ZBED5: variants seen among roughly 807,000 people sequenced by gnomAD.
ZBED5 encodes the protein zinc finger BED-type containing 5.
Under a neutral mutation model 49.2 loss-of-function variants are expected in ZBED5, and 29 were observed. That is an observed-to-expected ratio of 0.59 (90% CI 0.44 to 0.80). The LOEUF (loss-of-function observed/expected upper bound fraction) is 0.80. Among genes scored for constraint, ZBED5 ranks in the 30% least tolerant of loss-of-function variants. ZBED5 has a pLI of 0.00. For synonymous variants in ZBED5, 281 were observed against 292.5 expected, an observed-to-expected ratio of 0.96 and a Z score of 0.40; for missense variants, 775 against 812.9, an observed-to-expected ratio of 0.95 and a Z score of 0.57.
rs1199090717 is a variant in ZBED5 at position 10,853,851 on chromosome 11, G to A, written c.1095C>T (p.Pro365=). ...EAVTLIKYVA[P]ESTSSHCLLY... is the part of the protein sequence containing the mutation. Reference sequence around the variant, plus strand: ...ATAGGCAGTGACTACTGGTGCTTTCGGGAGCCACATATTTTATTAAGGTGA... The same window carrying A: ...ATAGGCAGTGACTACTGGTGCTTTCAGGAGCCACATATTTTATTAAGGTGA... Residue 365 remains proline, a synonymous_variant, in exon 3 of 3, where the codon CCC becomes CCT. Coordinates refer to ENST00000413761, the MANE Select transcript of ZBED5 (RefSeq NM_001143667.2). The surrounding 1 kb of genome is among the most constrained non-coding windows in gnomAD (Gnocchi z 5.4). 12 of 1,551,406 alleles carry A rather than the reference G, an allele frequency of 7.7e-6. No individual in the cohort carries two copies. Among genetic ancestry groups the A allele is most frequent in the African/African-American group, 1.4e-5 (1 of 72,988 alleles).
chr11:10,854,576 T>G lies in ZBED5; in HGVS notation c.370A>C (p.Asn124His). The G allele has an allele frequency of 6.4e-7, 1 of 1,551,390 alleles. No individual in the cohort carries two copies. The highest frequency in any genetic ancestry group is 1.7e-4 in the Middle Eastern group (1 of 5,992). Reference sequence around the variant, plus strand: ...CACTGAGCATGAGGTGCATCTCTATTTCCGAAGTAAGTAAATCCAAAAGAC... The same window carrying G: ...CACTGAGCATGAGGTGCATCTCTATGTCCGAAGTAAGTAAATCCAAAAGAC... Reference protein sequence around the residue: ...YLSFGFTYFGNRDAPHAQCVL... With the variant: ...YLSFGFTYFGHRDAPHAQCVL... Residue 124 changes from asparagine (N) to histidine (H), a missense_variant, in exon 3 of 3, where the codon AAT becomes CAT. Transcript: ENST00000413761. The surrounding 1 kb of genome is among the most constrained non-coding windows in gnomAD (Gnocchi z 5.0).
Position 10,854,439 on chromosome 11 carries a change from C to T in ZBED5, c.507G>A (p.Lys169=). 1 of 1,551,252 alleles carries T rather than the reference C, an allele frequency of 6.4e-7. No homozygotes were observed. Among genetic ancestry groups the T allele is most frequent in the Non-Finnish European group, 8.7e-7 (1 of 1,146,856 alleles). ...AYKDKDISFF[K]QHLDSPENNK... The stretch of plus-strand genomic sequence containing the variant: ...TATTTTCAGGTGAATCGAGATGTTG[C>T]TTGAAAAAGCTTATGTCTTTGTCTT... Residue 169 remains lysine (K), a synonymous_variant, in exon 3 of 3, where the codon AAG becomes AAA. Transcript: ENST00000413761. The surrounding 1 kb of genome is among the most constrained non-coding windows in gnomAD (Gnocchi z 5.0).
In ZBED5 at chr11:10,854,106, T is replaced by C. The variant is rs1315378684; in HGVS notation, c.840A>G (p.Ser280=). The C allele has an allele frequency of 6.4e-7, 1 of 1,550,608 alleles. No individual in the cohort carries two copies. The highest frequency in any genetic ancestry group is 8.7e-7 in the Non-Finnish European group (1 of 1,146,204). The change falls in exon 3 of 3, where the codon TCA becomes TCG. Residue 280 remains serine (S), a synonymous_variant. Coordinates refer to ENST00000413761, the MANE Select transcript of ZBED5 (RefSeq NM_001143667.2). The surrounding 1 kb of genome is among the most constrained non-coding windows in gnomAD (Gnocchi z 5.0). The part of the protein sequence containing the change: ...CDGFSLQLDE[S]ADVSGLAVLL... ...GCACAGCAAGTCCTGAAACATCAGC[T>C]GATTCATCTAGTTGCAGTGAAAACC...
rs1227593876 is a variant in ZBED5, at chr11:10,854,504, TA to T, written c.441del (p.Ser147ArgfsTer19). 6.4e-7 allele frequency: 1 copy of T among 1,551,458 alleles called. No individual in the cohort carries two copies. Among genetic ancestry groups the T allele is most frequent in the Non-Finnish European group, 8.7e-7 (1 of 1,146,932 alleles). On this transcript the variant is annotated frameshift_variant, in exon 3 of 3. Transcript: ENST00000413761. LOFTEE classifies it high-confidence loss of function. This position sits in a 1 kb window ranked among gnomAD's most constrained non-coding sequence, Gnocchi z 5.0. ...KILSNSSLAP[S>X]KLRRHLETKH... ...TTAGTTTCCAAATGTCTTCGAAGCTTACTAGGGGCTAAAGAGCTATTTGATA... is the reference window on the plus strand; with the variant it reads ...TTAGTTTCCAAATGTCTTCGAAGCTTCTAGGGGCTAAAGAGCTATTTGATA...
rs1848156669 is a variant in ZBED5, at chr11:10,854,655, G to GTT, written c.289_290dup (p.Asn97LysfsTer4). On this transcript the variant is annotated frameshift_variant, in exon 3 of 3. Coordinates refer to ENST00000413761, the MANE Select transcript of ZBED5 (RefSeq NM_001143667.2). LOFTEE classifies it high-confidence loss of function. The surrounding 1 kb of genome is among the most constrained non-coding windows in gnomAD (Gnocchi z 5.0). ...TTGGTTTTTTACTAAATGTTATTTT[G>GTT]TTGGAATTGGATATAAATTTGACCC... The GTT allele has an allele frequency of 6.4e-7, 1 of 1,551,150 alleles. No homozygotes were observed. Among genetic ancestry groups the GTT allele is most frequent in the Non-Finnish European group, 8.7e-7 (1 of 1,146,836 alleles).
rs1848162782 is a variant in ZBED5, at chr11:10,855,079, C to G, written c.-134G>C. On this transcript the variant is annotated 5_prime_UTR_variant, in exon 3 of 3. Coordinates refer to ENST00000413761, the MANE Select transcript of ZBED5 (RefSeq NM_001143667.2). This position sits in a 1 kb window ranked among gnomAD's most constrained non-coding sequence, Gnocchi z 4.1. ...CTTCCTGGTGCTCTCAGGTATGGTA[C>G]ACCTTTTCTTAAAGGTAGATTATCA... is the stretch of plus-strand genomic sequence containing the variant. The G allele has an allele frequency of 1.8e-6, 2 of 1,090,720 alleles. No individual in the cohort carries two copies. The highest frequency in any genetic ancestry group is 2.5e-6 in the Non-Finnish European group (2 of 785,148). The allele number at this position is 1,090,720 out of a possible 1,614,324, so 67.6% of individuals were successfully genotyped here. A position where few individuals can be genotyped will look rare whatever the true frequency, so the allele number is the denominator to read the frequency against.
rs1360254983 is a variant in ZBED5, at chr11:10,855,748, A to G, written c.-142+396T>C. The G allele has an allele frequency of 6.6e-6, 1 of 152,218 alleles. No individual in the cohort carries two copies. The highest frequency in any genetic ancestry group is 1.5e-5 in the Non-Finnish European group (1 of 68,036). 9.4% of individuals were successfully genotyped at this position (152,218 alleles called of 1,614,324 possible). ...AATGAAGAATAAATTGTATATCAAA[A>G]GTTAGGTACTGTTTCTCTGGACTTA... On this transcript the variant is annotated intron_variant, in intron 2 of 2. Transcript: ENST00000413761. This position sits in a 1 kb window ranked among gnomAD's most constrained non-coding sequence, Gnocchi z 4.1.
In ZBED5 at chr11:10,852,943, A is replaced by G. The variant is rs1332546237; in HGVS notation, c.2003T>C (p.Met668Thr). 1.3e-6 allele frequency: 2 copies of G among 1,551,560 alleles called. No homozygotes were observed. The highest frequency in any genetic ancestry group is 2.4e-5 in the East Asian group (1 of 40,936). Residue 668 changes from methionine (M) to threonine (T), a missense_variant, in exon 3 of 3, where the codon ATG becomes ACG. Coordinates refer to ENST00000413761, the MANE Select transcript of ZBED5 (RefSeq NM_001143667.2). ...TGTAATATTGCTAAGTCGGATTCGC[A>G]TATGAGGTGCAGCATCAAGTCTTTT... The part of the protein sequence containing the change: ...YRKRLDAAPH[M>T]RIRLSNITPN...
At position 10,854,092 on chromosome 11, in the gene ZBED5, C is replaced by A; in HGVS notation, c.854G>T (p.Gly285Val). 6.4e-7 allele frequency: 1 copy of A among 1,550,674 alleles called. No homozygotes were observed. The highest frequency in any genetic ancestry group is 8.7e-7 in the Non-Finnish European group (1 of 1,146,424). ...LQLDESADVSGLAVLLVFVRY... is the reference protein window; with the variant it reads ...LQLDESADVSVLAVLLVFVRY... The stretch of plus-strand genomic sequence containing the variant: ...AACAAACACAAGCAGCACAGCAAGT[C>A]CTGAAACATCAGCTGATTCATCTAG... Residue 285 changes from glycine (G) to valine (V), a missense_variant, in exon 3 of 3, where the codon GGA (glycine) becomes GTA (valine). Gly to Val is a moderately radical substitution (Grantham distance 109, BLOSUM62 -3). Transcript: ENST00000413761. This position sits in a 1 kb window ranked among gnomAD's most constrained non-coding sequence, Gnocchi z 5.0.
At chr11:10,856,528 G>C (rs1227983560) in intron 1 of ZBED5, among the ~76,000 whole-genome samples, 1 of 152,140 alleles carries the variant, frequency 6.6e-6, no homozygotes, top group African/African-American at 2.4e-5. Flanking sequence ...ACACTTTCTA[G>C]AACTTGAAAC....
chr11:10,854,305 C>G lies in ZBED5; in HGVS notation c.641G>C (p.Gly214Ala). 6.4e-7 allele frequency: 1 copy of G among 1,550,850 alleles called. No homozygotes were observed. Among genetic ancestry groups the G allele is most frequent in the Non-Finnish European group, 8.7e-7 (1 of 1,146,920 alleles). The change falls in exon 3 of 3, where the codon GGA becomes GCA. Residue 214 changes from glycine (G) to alanine (A), a missense_variant. Physicochemically the swap from Gly to Ala is moderately conservative, Grantham distance 60. Coordinates refer to ENST00000413761, the MANE Select transcript of ZBED5 (RefSeq NM_001143667.2). The surrounding 1 kb of genome is among the most constrained non-coding windows in gnomAD (Gnocchi z 5.0). The part of the protein sequence containing the change: ...IALSGEAHTI[G>A]ELLIKPCAKD... ...TGCACAAGGTTTGATAAGCAATTCTCCAATAGTATGAGCCTCTCCACTCAG... is the reference window on the plus strand; with the variant it reads ...TGCACAAGGTTTGATAAGCAATTCTGCAATAGTATGAGCCTCTCCACTCAG...
rs1848209851 is a variant in ZBED5, at chr11:10,858,034, G to A, written c.-428C>T. The A allele has an allele frequency of 6.2e-6, 2 of 321,034 alleles. No homozygotes were observed. Among genetic ancestry groups the A allele is most frequent in the East Asian group, 4.9e-5 (1 of 20,590 alleles). The allele number at this position is 321,034 out of a possible 1,614,324, so 19.9% of individuals were successfully genotyped here. On this transcript the variant is annotated 5_prime_UTR_variant, in exon 1 of 3. Transcript: ENST00000413761. Reference sequence around the variant, plus strand: ...CATCTCCATAGAGATCCGATTCGCGGCTGGCGCGGTCGCCGGTCTGAAGAT... The same window carrying A: ...CATCTCCATAGAGATCCGATTCGCGACTGGCGCGGTCGCCGGTCTGAAGAT...
chr11:10,856,855 G>C (rs528417744), intron 1 of ZBED5, among the ~76,000 whole-genome samples: 1 of 152,292 alleles, frequency 6.6e-6, no homozygotes, highest in East Asian at 1.9e-4. Context: ...GAAAAACCAA[G>C]TTCAGAGCCC....
Position 10,855,551 on chromosome 11 carries a change from C to T in ZBED5, c.-141-465G>A, listed in dbSNP as rs527508201. The T allele has an allele frequency of 2.6e-5, 4 of 152,316 alleles. No individual in the cohort carries two copies. The highest frequency in any genetic ancestry group is 7.2e-5 in the African/African-American group (3 of 41,558). 9.4% of individuals were successfully genotyped at this position (152,316 alleles called of 1,614,324 possible). ...CATGGTATGTAGTATTGTGAAATCT[C>T]TTTTAGCTTTTGATGCCTACTGTCA... On this transcript the variant is annotated intron_variant, in intron 2 of 2. Transcript: ENST00000413761. The surrounding 1 kb of genome is among the most constrained non-coding windows in gnomAD (Gnocchi z 4.1).
chr11:10,855,069 A>G lies in ZBED5; in HGVS notation c.-124T>C. ...TCTCATGCGACTTCCTGGTGCTCTC[A>G]GGTATGGTACACCTTTTCTTAAAGG... On this transcript the variant is annotated 5_prime_UTR_variant, in exon 3 of 3. Transcript: ENST00000413761. The surrounding 1 kb of genome is among the most constrained non-coding windows in gnomAD (Gnocchi z 4.1). The G allele has an allele frequency of 8.2e-7, 1 of 1,224,020 alleles. No individual in the cohort carries two copies. Among genetic ancestry groups the G allele is most frequent in the Non-Finnish European group, 1.1e-6 (1 of 895,138 alleles). 75.8% of individuals were successfully genotyped at this position (1,224,020 alleles called of 1,614,324 possible). A position where few individuals can be genotyped will look rare whatever the true frequency, so the allele number is the denominator to read the frequency against.
chr11:10,853,521 T>G lies in ZBED5; in HGVS notation c.1425A>C (p.Ala475=), dbSNP rs1364581023. 1 of 1,550,692 alleles carries G rather than the reference T, an allele frequency of 6.4e-7. No homozygotes were observed. Among genetic ancestry groups the G allele is most frequent in the African/African-American group, 1.4e-5 (1 of 73,024 alleles). The change falls in exon 3 of 3, where the codon GCA becomes GCC. Residue 475 remains alanine (A), a synonymous_variant. Coordinates refer to ENST00000413761, the MANE Select transcript of ZBED5 (RefSeq NM_001143667.2). The surrounding 1 kb of genome is among the most constrained non-coding windows in gnomAD (Gnocchi z 5.4). The part of the protein sequence containing the change: ...LTNSSWLLRL[A]YLADIFTKLN... ...ATTTAGTAAAAATATCTGCAAGATA[T>G]GCAAGTCTTAGCAGCCAAGATGAAT...
intron 1 of ZBED5, among the ~76,000 whole-genome samples, chr11:10,856,946 A>G (rs1043289673): frequency 2.0e-5 from 3 of 152,200 alleles, no homozygotes; most frequent in African/African-American, 7.2e-5. Flanking sequence ...ACTACTAAAA[A>G]ATCTCGTTAC....
rs1305367132 is a variant in ZBED5, at chr11:10,857,806, G to A, written c.-256+56C>T. On this transcript the variant is annotated intron_variant, in intron 1 of 2. Transcript: ENST00000413761. This position sits in a 1 kb window ranked among gnomAD's most constrained non-coding sequence, Gnocchi z 6.3. ...GCGACCGCCATCTTAGGCAGTTCCA[G>A]GAAGCGGCCATTTCAGAGCGCACCG... 1 of 152,504 alleles carries A rather than the reference G, an allele frequency of 6.6e-6. No individual in the cohort carries two copies. Among genetic ancestry groups the A allele is most frequent in the Non-Finnish European group, 1.5e-5 (1 of 68,224 alleles). The allele number at this position is 152,504 out of a possible 1,614,324, so 9.4% of individuals were successfully genotyped here.
rs146958835 is a variant in ZBED5, at chr11:10,857,727, C to G, written c.-256+135G>C. On this transcript the variant is annotated intron_variant, in intron 1 of 2. Transcript: ENST00000413761. This position sits in a 1 kb window ranked among gnomAD's most constrained non-coding sequence, Gnocchi z 6.3. ...TCATCTCCATCAGCGATGGAGAGAA[C>G]GGATTTTGCCGCGGCTGGGCTGCAC... The G allele has an allele frequency of 6.6e-3, 1,013 of 152,422 alleles. 4 individuals carry two copies. Among genetic ancestry groups the G allele is most frequent in the Admixed American group, 0.011 (170 of 15,310 alleles). The allele number at this position is 152,422 out of a possible 1,614,324, so 9.4% of individuals were successfully genotyped here. A position where few individuals can be genotyped will look rare whatever the true frequency, so the allele number is the denominator to read the frequency against.
Sources: gnomAD v4.1 joint callset for allele counts (sites outside exome capture counted in the v4.1 genomes callset) on GRCh38, gnomAD v4.1.1 for gene constraint, Gnocchi (gnomAD v3.1) non-coding constraint, MANE v1.5 for transcripts, NCBI Gene and HGNC (gene_info 2026-07-23, HGNC 2026-07-21) for gene names.